Variants in DOCK1 observed in about 807,000 individuals in gnomAD.
DOCK1 encodes dedicator of cytokinesis protein 1.
Under a neutral mutation model 262.7 loss-of-function variants are expected in DOCK1, and 138 were observed. The observed-to-expected ratio is 0.53, with a 90% confidence interval of 0.46 to 0.61. The LOEUF (loss-of-function observed/expected upper bound fraction) is 0.61, where lower values mean the gene tolerates loss of function less well. Ranked by LOEUF, DOCK1 falls within the 20% of genes least tolerant of loss-of-function variation. DOCK1 has a pLI of 0.00. For synonymous variants in DOCK1, 866 were observed against 867.4 expected, an observed-to-expected ratio of 1.00 and a Z score of 0.03; for missense variants, 1,908 against 2,370.7, an observed-to-expected ratio of 0.80 and a Z score of 4.05.
chr10:127,304,144 G>C (rs564079217), intron 29 of DOCK1, among the ~76,000 whole-genome samples: 35 of 152,270 alleles, frequency 2.3e-4, no homozygotes, highest in African/African-American at 7.5e-4. Context: ...GGCTGCTCAG[G>C]GGGCAGAGCT....
intron 1 of DOCK1, among the ~76,000 whole-genome samples, chr10:126,942,064 G>C (rs966473809): frequency 1.3e-5 from 2 of 151,464 alleles, no homozygotes; most frequent in Non-Finnish European, 2.9e-5. Flanking sequence ...TCGCTCTGTC[G>C]CCCAGGCTGG....
intron 29 of DOCK1, among the ~76,000 whole-genome samples, chr10:127,324,963 CAG>C (rs2062694400): frequency 6.6e-6 from 1 of 152,182 alleles, no homozygotes; most frequent in African/African-American, 2.4e-5. Context: ...CACTAGAACA[CAG>C]GGTCCAGCGT....
At chr10:127,428,360 A>G (rs1591016024) in intron 47 of DOCK1, among the ~76,000 whole-genome samples, 2 of 149,524 alleles carry the variant, frequency 1.3e-5, no homozygotes, top group South Asian at 4.3e-4. Context: ...AGGTGGAGAA[A>G]GCAAGGGCAG....
In DOCK1 at chr10:127,076,268, G is replaced by A. The variant is rs539238887; in HGVS notation, c.2445+14492G>A. Among the ~76,000 whole-genome samples the A allele has an allele frequency of 1.1e-3, 173 of 152,300 alleles. 1 individual carries two copies. Among genetic ancestry groups the A allele is most frequent in the African/African-American group, 3.8e-3 (158 of 41,578 alleles). On this transcript the variant is annotated intron_variant, in intron 23 of 51. Coordinates refer to ENST00000623213, the MANE Select transcript of DOCK1 (RefSeq NM_001290223.2). ...TGTAATCCCGGCACTTTGGGAGGCCGAGGTGGGCGGATCACAAGGTCAGTA... is the reference window on the plus strand; with the variant it reads ...TGTAATCCCGGCACTTTGGGAGGCCAAGGTGGGCGGATCACAAGGTCAGTA...
At chr10:126,946,857 G>A (rs1206521938) in intron 1 of DOCK1, among the ~76,000 whole-genome samples, 1 of 152,184 alleles carries the variant, frequency 6.6e-6, no homozygotes, top group Non-Finnish European at 1.5e-5. Flanking sequence ...TTTGACTGTT[G>A]TGAACAACTT....
At chr10:127,114,850 G>A (rs2049083180) in intron 25 of DOCK1, among the ~76,000 whole-genome samples, 1 of 151,272 alleles carries the variant, frequency 6.6e-6, no homozygotes, top group African/African-American at 2.4e-5. Context: ...TGTGCCTCCC[G>A]GGTTCAATCG....
chr10:127,044,509 G>A (rs2044216315), intron 21 of DOCK1, among the ~76,000 whole-genome samples: 1 of 152,194 alleles, frequency 6.6e-6, no homozygotes, highest in African/African-American at 2.4e-5. Flanking sequence ...CGTGGGGAGG[G>A]TGCATTGCAG....
chr10:127,243,022 T>G (rs2059315460), intron 27 of DOCK1, among the ~76,000 whole-genome samples: 1 of 152,178 alleles, frequency 6.6e-6, no homozygotes, highest in South Asian at 2.1e-4. Context: ...AATTTCTGCC[T>G]GTGTTGTGTG....
At chr10:127,257,665 A>G (rs2059875224) in intron 29 of DOCK1, 1 of 376,400 alleles carries the variant, frequency 2.7e-6, no homozygotes, top group Admixed American at 3.7e-5. Flanking sequence ...CTGGAGAAAA[A>G]CAGCCTGAAG....
At chr10:127,383,421 A>C (rs2065926518) in intron 37 of DOCK1, among the ~76,000 whole-genome samples, 1 of 152,226 alleles carries the variant, frequency 6.6e-6, no homozygotes, top group Non-Finnish European at 1.5e-5. Flanking sequence ...TCCTCCAATA[A>C]AAGTAGACCA....
At chr10:127,328,590 GCAGGGACGC>G (rs2062841604) in intron 29 of DOCK1, among the ~76,000 whole-genome samples, 1 of 152,002 alleles carries the variant, frequency 6.6e-6, no homozygotes, top group African/African-American at 2.4e-5. Context: ...AGCAAGGACG[GCAGGGACGC>G]CAGGGACGGC....
chr10:127,106,321 G>A lies in DOCK1; in HGVS notation c.2516+20G>A, dbSNP rs771564795. ...GCTCAGGTAAGTATGCAGCCCAGGC[G>A]AATGCTTGTCACGTGCCGTGTGTGA... On this transcript the variant is annotated intron_variant, in intron 24 of 51. Coordinates refer to ENST00000623213, the MANE Select transcript of DOCK1 (RefSeq NM_001290223.2). The A allele has an allele frequency of 1.2e-5, 19 of 1,585,450 alleles. No homozygotes were observed. The highest frequency in any genetic ancestry group is 5.4e-5 in the Admixed American group (3 of 56,028).
chr10:127,244,703 C>T (rs1353925602), intron 27 of DOCK1, among the ~76,000 whole-genome samples: 2 of 152,204 alleles, frequency 1.3e-5, no homozygotes, highest in East Asian at 1.9e-4. Context: ...ATCCTGACTT[C>T]TGTGGCCCCA....
At chr10:127,237,604 T>C (rs2134650924) in intron 27 of DOCK1, among the ~76,000 whole-genome samples, 1 of 152,314 alleles carries the variant, frequency 6.6e-6, no homozygotes, top group South Asian at 2.1e-4. Context: ...CCTCTAGTTA[T>C]ATTTTAGCTC....
At chr10:127,347,213 G>T (rs146771124) in intron 31 of DOCK1, among the ~76,000 whole-genome samples, 1 of 152,220 alleles carries the variant, frequency 6.6e-6, no homozygotes, top group South Asian at 2.1e-4. Flanking sequence ...AAAATTGTCC[G>T]CATAAAAGGG....
chr10:127,046,460 A>G (rs1051520059), intron 21 of DOCK1, among the ~76,000 whole-genome samples: 2 of 152,064 alleles, frequency 1.3e-5, no homozygotes, highest in African/African-American at 4.8e-5. Flanking sequence ...CAGTCTCCCA[A>G]AAAGCTTTTC....
chr10:127,173,434 G>T (rs1285885204), intron 27 of DOCK1, among the ~76,000 whole-genome samples: 1 of 152,146 alleles, frequency 6.6e-6, no homozygotes, highest in East Asian at 1.9e-4. Context: ...TTCCATACTT[G>T]TTCTAAGAGG....
chr10:127,389,658 A>G lies in DOCK1; in HGVS notation c.3927+4749A>G, dbSNP rs74325748. ...GGAGGTGATTGGGTCATAAGGGTGG[A>G]TTTCCTCCTTGGTGCTGTGTCGTGA... On this transcript the variant is annotated intron_variant, in intron 38 of 51. Transcript: ENST00000623213. Among the ~76,000 whole-genome samples, 1,044 of 152,048 alleles carry G rather than the reference A, an allele frequency of 6.9e-3. 11 individuals carry two copies. Among genetic ancestry groups the G allele is most frequent in the African/African-American group, 0.024 (988 of 41,458 alleles).
chr10:126,984,974 C>CTTTTTT (rs553086410), intron 4 of DOCK1, among the ~76,000 whole-genome samples: 48 of 85,122 alleles, frequency 5.6e-4, no homozygotes, highest in African/African-American at 2.0e-3. Context: ...ATGTCCCATT[C>CTTTTTT]TTTTTTTTTT....
Sources: gnomAD v4.1 joint callset for allele counts (sites outside exome capture counted in the v4.1 genomes callset) on GRCh38, gnomAD v4.1.1 for gene constraint, MANE v1.5 for transcripts, NCBI Gene and HGNC (gene_info 2026-07-23, HGNC 2026-07-21) for gene names.